Variants in FRRS1L observed in about 807,000 individuals in gnomAD.
The protein encoded by FRRS1L is ferric chelate reductase 1 like, also known as DOMON domain-containing protein FRRS1L.
A neutral mutation model predicts 28.6 loss-of-function variants in FRRS1L; 22 were observed. The observed-to-expected ratio is 0.77, with a 90% CI of 0.55 to 1.10. The LOEUF (loss-of-function observed/expected upper bound fraction) is 1.10, where lower values mean the gene tolerates loss of function less well. FRRS1L is among the 50% of genes least tolerant of loss of function. The pLI, the probability that FRRS1L is intolerant of heterozygous loss-of-function variation, is 0.00. For missense variants in FRRS1L, 380 were observed against 386.9 expected, an observed-to-expected ratio of 0.98 and a Z score of 0.15; for synonymous variants, 158 against 151.4, an observed-to-expected ratio of 1.04 and a Z score of -0.32.
At chr9:109,164,880 T>C (rs10979722) in intron 1 of FRRS1L, among the ~76,000 whole-genome samples, 14,853 of 152,234 alleles carry the variant, frequency 0.098, 1,174 homozygotes, top group African/African-American at 0.21. Context: ...ACTGAAGTCT[T>C]TCCTACTTCA....
chr9:109,151,864 A>T (rs1831334089), intron 1 of FRRS1L: 1 of 152,404 alleles, frequency 6.6e-6, no homozygotes. Flanking sequence ...CTGTATGTTA[A>T]GCAGCTTCAT....
intron 1 of FRRS1L, chr9:109,151,900 T>C (rs1262432228): frequency 6.6e-6 from 1 of 152,288 alleles, no homozygotes; most frequent in Admixed American, 6.5e-5. Flanking sequence ...TACTTCTCAC[T>C]ACAGTCCTGA....
rs1252866671 is a variant in FRRS1L, at chr9:109,134,809, AAGAG to A, written c.*2642_*2645del. 5 of 150,926 alleles carry A rather than the reference AAGAG, an allele frequency of 3.3e-5. No homozygotes were observed. Among genetic ancestry groups the A allele is most frequent in the African/African-American group, 1.2e-4 (5 of 40,232 alleles). The allele number at this position is 150,926 out of a possible 1,614,324, so 9.3% of individuals were successfully genotyped here. A position where few individuals can be genotyped will look rare whatever the true frequency, so the allele number is the denominator to read the frequency against. On this transcript the variant is annotated 3_prime_UTR_variant, in exon 5 of 5. Transcript: ENST00000561981. ...TTTGTAGCTCAAATATTATACACAT[AAGAG>A]AGAGAAATATAAAAATATTTGCTTC...
chr9:109,152,396 C>T (rs1367143568), intron 1 of FRRS1L, among the ~76,000 whole-genome samples: 1 of 152,064 alleles, frequency 6.6e-6, no homozygotes, highest in African/African-American at 2.4e-5. Context: ...GATCCGCCTG[C>T]CTCAGCCTCC....
chr9:109,131,204 C>T lies in FRRS1L; in HGVS notation c.*6251G>A, dbSNP rs1385932202. ...ACCTGTATAGGTTGCATCAACATGC[C>T]AGTTACTCAGCTAACACTAGTCTTG... is the stretch of plus-strand genomic sequence containing the variant. On this transcript the variant is annotated 3_prime_UTR_variant, in exon 5 of 5. Coordinates refer to ENST00000561981, the MANE Select transcript of FRRS1L (RefSeq NM_014334.4). The T allele has an allele frequency of 6.6e-6, 1 of 152,118 alleles. No homozygotes were observed. Among genetic ancestry groups the T allele is most frequent in the African/African-American group, 2.4e-5 (1 of 41,418 alleles). 9.4% of individuals were successfully genotyped at this position (152,118 alleles called of 1,614,324 possible).
At chr9:109,157,483 C>T (rs865834228) in intron 1 of FRRS1L, among the ~76,000 whole-genome samples, 1 of 152,146 alleles carries the variant, frequency 6.6e-6, no homozygotes, top group Admixed American at 6.5e-5. Context: ...AATTCCTGGA[C>T]TCAAGCCATC....
chr9:109,150,451 A>G (rs1831318588), intron 1 of FRRS1L: 1 of 152,202 alleles, frequency 6.6e-6, no homozygotes, highest in Non-Finnish European at 1.5e-5. Flanking sequence ...CCTGACCTCA[A>G]GTGATCCACA....
rs1317640533 is a variant in FRRS1L at position 109,149,713 on chromosome 9, G to C, written c.246C>G (p.Pro82=). 1 of 1,608,982 alleles carries C rather than the reference G, an allele frequency of 6.2e-7. No homozygotes were observed. The highest frequency in any genetic ancestry group is 8.5e-7 in the Non-Finnish European group (1 of 1,175,340). ...DLRYLSEEGY[P]FPTAPPVDPF... is the part of the protein sequence containing the mutation. ...GATCCACAGGAGGAGCAGTAGGGAA[G>C]GGGTAACCTGGGCAGTGAGAATAAA... Residue 82 remains proline, a synonymous_variant, in exon 2 of 5, where the codon CCC becomes CCG. Transcript: ENST00000561981.
chr9:109,142,650 C>CA (rs1324357620), intron 3 of FRRS1L, among the ~76,000 whole-genome samples: 4 of 152,048 alleles, frequency 2.6e-5, no homozygotes, highest in South Asian at 4.1e-4. Flanking sequence ...ACTATCTCTA[C>CA]AAAAAATTAA....
In FRRS1L at chr9:109,135,974, A is replaced by G. The variant is rs1304109962; in HGVS notation, c.*1481T>C. 1 of 151,970 alleles carries G rather than the reference A, an allele frequency of 6.6e-6. No homozygotes were observed. The highest frequency in any genetic ancestry group is 1.5e-5 in the Non-Finnish European group (1 of 67,996). 9.4% of individuals were successfully genotyped at this position (151,970 alleles called of 1,614,324 possible). A position where few individuals can be genotyped will look rare whatever the true frequency, so the allele number is the denominator to read the frequency against. On this transcript the variant is annotated 3_prime_UTR_variant, in exon 5 of 5. Transcript: ENST00000561981. ...GCCAGGCACGGTGGCTCACACCTGT[A>G]ATCCTAGCACTCTGGGAGGCCAAAG...
chr9:109,149,790 G>A (rs1831308444), intron 1 of FRRS1L, 70 bp from the exon 2 acceptor site: 1 of 1,058,644 alleles, frequency 9.4e-7, no homozygotes. Flanking sequence ...TTTTAAAAAT[G>A]TGTTGACTGT....
rs750127450 is a variant in FRRS1L at position 109,141,561 on chromosome 9, T to C, written c.491A>G (p.His164Arg). The C allele has an allele frequency of 6.2e-7, 1 of 1,613,996 alleles. No homozygotes were observed. The highest frequency in any genetic ancestry group is 8.5e-7 in the Non-Finnish European group (1 of 1,179,938). The change falls in exon 4 of 5, where the codon CAT becomes CGT. Residue 164 changes from histidine to arginine, a missense_variant. Coordinates refer to ENST00000561981, the MANE Select transcript of FRRS1L (RefSeq NM_014334.4). ...MGGDDVMACV[H>R]DDNGRVRIQH... ...TATGCGGACCCTGCCATTGTCATCA[T>C]GGACGCAGGCCATGACATCATCACC...
At chr9:109,139,193 C>T (rs1053760661) in intron 4 of FRRS1L, 4 of 149,658 alleles carry the variant, frequency 2.7e-5, no homozygotes, top group South Asian at 2.2e-4. Context: ...AGTGAGACTC[C>T]GTTTAAAAAA....
chr9:109,137,395 A>C lies in FRRS1L; in HGVS notation c.*60T>G, dbSNP rs1297190971. 2 of 1,078,454 alleles carry C rather than the reference A, an allele frequency of 1.9e-6. No homozygotes were observed. Among genetic ancestry groups the C allele is most frequent in the Non-Finnish European group, 2.5e-6 (2 of 790,082 alleles). The allele number at this position is 1,078,454 out of a possible 1,614,324, so 66.8% of individuals were successfully genotyped here. A position where few individuals can be genotyped will look rare whatever the true frequency, so the allele number is the denominator to read the frequency against. ...TAAAATTATACTGGATATTCTTTAA[A>C]AAATATATTTATACTAAAGACTTCC... On this transcript the variant is annotated 3_prime_UTR_variant, in exon 5 of 5. Coordinates refer to ENST00000561981, the MANE Select transcript of FRRS1L (RefSeq NM_014334.4).
chr9:109,163,024 T>C (rs1219774939), intron 1 of FRRS1L, among the ~76,000 whole-genome samples: 1 of 152,222 alleles, frequency 6.6e-6, no homozygotes, highest in Non-Finnish European at 1.5e-5. Flanking sequence ...ATCATCCATG[T>C]AGCTGGCTGG....
Position 109,145,641 on chromosome 9 carries a change from G to A in FRRS1L, c.462+1410C>T, listed in dbSNP as rs35353676. Among the ~76,000 whole-genome samples, 826 of 152,246 alleles carry A rather than the reference G, an allele frequency of 5.4e-3. 6 individuals are homozygous for A. The highest frequency in any genetic ancestry group is 8.5e-3 in the Non-Finnish European group (581 of 68,022). On this transcript the variant is annotated intron_variant, in intron 3 of 4. Transcript: ENST00000561981. ...GCAGAAAAATCAAACTTGAACCCAG[G>A]AGGCAAAGGTTGCAGTGAGCCGACA...
chr9:109,161,217 C>T (rs938897596), intron 1 of FRRS1L, among the ~76,000 whole-genome samples: 3 of 152,118 alleles, frequency 2.0e-5, no homozygotes, highest in African/African-American at 7.2e-5. Context: ...CCAGCTTTTC[C>T]CTCTTCCCTT....
chr9:109,152,803 CAAAAAAAAAAAAAAAAAAAAAAAA>C (rs59385693), intron 1 of FRRS1L, among the ~76,000 whole-genome samples: 3 of 24,114 alleles, frequency 1.2e-4, no homozygotes, highest in East Asian at 1.3e-3. Context: ...GACTCCATCT[CAAAAAAAAAAAAAAAAAAAAAAAA>C]AAAAAAAAAA....
intron 3 of FRRS1L, 92 bp from the exon 4 acceptor site, chr9:109,141,681 T>G (rs1831189270): frequency 7.2e-7 from 1 of 1,380,000 alleles, no homozygotes; most frequent in Non-Finnish European, 9.9e-7. Context: ...ATCTCTGCAA[T>G]TTGAAATCCC....
Sources: allele counts gnomAD v4.1 joint callset (sites outside exome capture counted in the v4.1 genomes callset), GRCh38; gene constraint gnomAD v4.1.1; transcripts MANE v1.5; gene names NCBI Gene and HGNC (gene_info 2026-07-23, HGNC 2026-07-21).